NELL2: variants seen among roughly 807,000 people sequenced by gnomAD.
NELL2 encodes the protein protein kinase C-binding protein NELL2.
NELL2 carries 41 observed loss-of-function variants against 109.6 expected under a neutral mutation model. The observed-to-expected ratio is 0.37, with a 90% CI of 0.29 to 0.49. The LOEUF (loss-of-function observed/expected upper bound fraction) is 0.49, where lower values mean the gene tolerates loss of function less well. Ranked by LOEUF, NELL2 falls within the 20% of genes least tolerant of loss-of-function variation. The pLI, the probability that NELL2 is intolerant of heterozygous loss-of-function variation, is 0.98. For missense variants in NELL2, 900 were observed against 1,008.3 expected, an observed-to-expected ratio of 0.89 and a Z score of 1.45; for synonymous variants, 355 against 344.7, an observed-to-expected ratio of 1.03 and a Z score of -0.33.
At chr12:44,621,672 T>A (rs1261528030) in intron 13 of NELL2, among the ~76,000 whole-genome samples, 1 of 151,532 alleles carries the variant, frequency 6.6e-6, no homozygotes, top group South Asian at 2.1e-4. Flanking sequence ...TTCACGTGGA[T>A]TTACTCATTG....
intron 13 of NELL2, among the ~76,000 whole-genome samples, chr12:44,654,001 T>C (rs1412251288): frequency 6.6e-6 from 1 of 152,180 alleles, no homozygotes; most frequent in Admixed American, 6.5e-5. Context: ...TCTTTCTCTC[T>C]TGAAACGTCT....
At chr12:44,622,812 G>A (rs1056759039) in intron 13 of NELL2, among the ~76,000 whole-genome samples, 11 of 152,024 alleles carry the variant, frequency 7.2e-5, no homozygotes, top group Non-Finnish European at 1.6e-4. Flanking sequence ...TTTAAAACGA[G>A]CTTCATTACA....
chr12:44,883,714 T>C (rs1945440805), intron 1 of NELL2, among the ~76,000 whole-genome samples: 1 of 151,892 alleles, frequency 6.6e-6, no homozygotes, highest in Non-Finnish European at 1.5e-5. Context: ...AATGGTAAGG[T>C]TTCCACATTC....
chr12:44,790,252 A>T (rs1166570984), intron 3 of NELL2, among the ~76,000 whole-genome samples: 1 of 152,174 alleles, frequency 6.6e-6, no homozygotes, highest in Admixed American at 6.5e-5. Flanking sequence ...TATAAAGGAA[A>T]ACCTATCAGA....
intron 15 of NELL2, among the ~76,000 whole-genome samples, chr12:44,550,914 A>C (rs1943022932): frequency 6.6e-6 from 1 of 152,226 alleles, no homozygotes; most frequent in Admixed American, 6.5e-5. Flanking sequence ...TCAGTTATGC[A>C]AGATAAGTAA....
chr12:44,735,827 G>A, intron 9 of NELL2, among the ~76,000 whole-genome samples: 1 of 151,726 alleles, frequency 6.6e-6, no homozygotes, highest in South Asian at 2.1e-4. Flanking sequence ...GAAGAATGTG[G>A]TTCAAATAAC....
At chr12:44,711,529 G>T in intron 10 of NELL2, 135 bp from the exon 11 acceptor site, 1 of 616,948 alleles carries the variant, frequency 1.6e-6, no homozygotes, top group South Asian at 2.0e-5. Flanking sequence ...CAGGTCATGG[G>T]CTCACTCCCA....
chr12:44,672,074 G>C (rs570686415), intron 12 of NELL2, among the ~76,000 whole-genome samples: 2 of 152,238 alleles, frequency 1.3e-5, no homozygotes, highest in Non-Finnish European at 2.9e-5. Context: ...TCCTGGTACA[G>C]ATAGGAAAGC....
chr12:44,532,935 C>G (rs1942148621), intron 15 of NELL2, among the ~76,000 whole-genome samples: 1 of 152,082 alleles, frequency 6.6e-6, no homozygotes, highest in South Asian at 2.1e-4. Flanking sequence ...TTCTTTGATG[C>G]AAAAGGTATT....
chr12:44,864,229 GA>G (rs1480562156), intron 2 of NELL2, among the ~76,000 whole-genome samples: 1 of 152,116 alleles, frequency 6.6e-6, no homozygotes, highest in Admixed American at 6.5e-5. Context: ...TAGTTACCCT[GA>G]AAGCAAATGG....
At chr12:44,818,325 A>G (rs1484868927) in intron 2 of NELL2, among the ~76,000 whole-genome samples, 1 of 152,244 alleles carries the variant, frequency 6.6e-6, no homozygotes, top group African/African-American at 2.4e-5. Flanking sequence ...ATAAAAGCAA[A>G]CTGAAATTAA....
At chr12:44,658,998 C>T (rs1386322733) in intron 13 of NELL2, among the ~76,000 whole-genome samples, 1 of 150,792 alleles carries the variant, frequency 6.6e-6, no homozygotes, top group Non-Finnish European at 1.5e-5. Context: ...GGTACCAAAA[C>T]AGATATATAG....
chr12:44,512,490 GAA>G (rs139720889), intron 19 of NELL2, among the ~76,000 whole-genome samples: 3 of 147,346 alleles, frequency 2.0e-5, no homozygotes, highest in African/African-American at 7.4e-5. Context: ...TTACTGAAAG[GAA>G]AAAAAAAATC....
At chr12:44,656,791 A>G (rs1947518970) in intron 13 of NELL2, among the ~76,000 whole-genome samples, 1 of 152,170 alleles carries the variant, frequency 6.6e-6, no homozygotes, top group Non-Finnish European at 1.5e-5. Context: ...CACACACGAT[A>G]AATTATCTGT....
intron 10 of NELL2, among the ~76,000 whole-genome samples, chr12:44,712,802 A>C (rs565830853): frequency 1.3e-5 from 2 of 152,092 alleles, no homozygotes; most frequent in East Asian, 3.9e-4. Context: ...AGAATGTACA[A>C]TATTTTATTA....
At chr12:44,700,240 C>T (rs1011393913) in intron 12 of NELL2, among the ~76,000 whole-genome samples, 3 of 152,330 alleles carry the variant, frequency 2.0e-5, no homozygotes, top group South Asian at 2.1e-4. Flanking sequence ...CACATCTCCA[C>T]TTACATTTTT....
intron 9 of NELL2, among the ~76,000 whole-genome samples, chr12:44,766,389 T>C (rs1941336148): frequency 6.6e-6 from 1 of 152,238 alleles, no homozygotes. Flanking sequence ...GTTGTCCCTT[T>C]ACCTTTATTG....
intron 1 of NELL2, among the ~76,000 whole-genome samples, chr12:44,882,350 T>C (rs555182481): frequency 3.2e-4 from 48 of 151,758 alleles, no homozygotes; most frequent in African/African-American, 1.1e-3. Flanking sequence ...TATATATATA[T>C]ACACATATGT....
At chr12:44,743,340 C>A (rs1461033806) in intron 9 of NELL2, among the ~76,000 whole-genome samples, 3 of 152,124 alleles carry the variant, frequency 2.0e-5, no homozygotes, top group Non-Finnish European at 4.4e-5. Flanking sequence ...CCAGCCACTG[C>A]AAAAACATGC....
Sources: allele counts gnomAD v4.1 joint callset (sites outside exome capture counted in the v4.1 genomes callset), GRCh38; gene constraint gnomAD v4.1.1; transcripts MANE v1.5; gene names NCBI Gene and HGNC (gene_info 2026-07-23, HGNC 2026-07-21).